Variants in CNMD observed in about 807,000 individuals in gnomAD.
CNMD encodes the protein chondromodulin.
A neutral mutation model predicts 37.5 loss-of-function variants in CNMD; 30 were observed. That is an observed-to-expected ratio of 0.80 (90% CI 0.60 to 1.09). The LOEUF (loss-of-function observed/expected upper bound fraction) is 1.09. CNMD is among the 50% of genes least tolerant of loss of function. The probability of loss-of-function intolerance (pLI) is 0.00; values close to 1 mark genes in which losing one functional copy is unlikely to be tolerated. For missense variants in CNMD, 398 were observed against 423.9 expected, an observed-to-expected ratio of 0.94 and a Z score of 0.54; for synonymous variants, 167 against 148.2, an observed-to-expected ratio of 1.13 and a Z score of -0.92.
At position 52,726,241 on chromosome 13, in the gene CNMD, T is replaced by C. The variant is rs1367954969; in HGVS notation, c.355-2131A>G. On this transcript the variant is annotated intron_variant, in intron 3 of 6. Coordinates refer to ENST00000377962, the MANE Select transcript of CNMD (RefSeq NM_007015.3). ...CTTTGGGGCCCAGGTATTGGGAGCC[T>C]TAAAAGCTCCCCAGGTGTTTATAAT... Among the ~76,000 whole-genome samples the C allele has an allele frequency of 2.6e-5, 4 of 152,264 alleles. No homozygotes were observed. The South Asian group carries it at 8.3e-4, about 32-fold the overall frequency.
Position 52,739,186 on chromosome 13 carries a change from G to A in CNMD, c.73-15C>T. On this transcript the variant is annotated splice_polypyrimidine_tract_variant and intron_variant, in intron 1 of 6. Transcript: ENST00000377962. This position sits in a 1 kb window ranked among gnomAD's most constrained non-coding sequence, Gnocchi z 5.4. ...GTAGCGTACGCCTGCGGGCCGGGGCGGGAGAGGGACCGTCGCGTTTGTGCC... is the reference window on the plus strand; with the variant it reads ...GTAGCGTACGCCTGCGGGCCGGGGCAGGAGAGGGACCGTCGCGTTTGTGCC... The A allele has an allele frequency of 6.8e-7, 1 of 1,465,264 alleles. No individual in the cohort carries two copies. The highest frequency in any genetic ancestry group is 9.0e-7 in the Non-Finnish European group (1 of 1,114,142). The allele number at this position is 1,465,264 out of a possible 1,614,324, so 90.8% of individuals were successfully genotyped here. A position where few individuals can be genotyped will look rare whatever the true frequency, so the allele number is the denominator to read the frequency against.
At chr13:52,713,601 A>G (rs1047270478) in intron 4 of CNMD, among the ~76,000 whole-genome samples, 12 of 152,232 alleles carry the variant, frequency 7.9e-5, no homozygotes, top group Non-Finnish European at 1.3e-4. Flanking sequence ...TACTTCATTT[A>G]TGCTTTCTCC....
chr13:52,711,320 G>T (rs1007985773), intron 5 of CNMD, among the ~76,000 whole-genome samples: 10 of 152,162 alleles, frequency 6.6e-5, no homozygotes, highest in Non-Finnish European at 1.3e-4. Context: ...GCCCACCCAG[G>T]TGGTGGCAGG....
intron 4 of CNMD, among the ~76,000 whole-genome samples, chr13:52,719,981 G>GT (rs1342798928): frequency 6.6e-6 from 1 of 152,074 alleles, no homozygotes; most frequent in African/African-American, 2.4e-5. Context: ...TGTAGGTTTG[G>GT]TTTTTTCACA....
chr13:52,706,466 T>C (rs1964175759), intron 6 of CNMD, among the ~76,000 whole-genome samples: 1 of 152,224 alleles, frequency 6.6e-6, no homozygotes, highest in African/African-American at 2.4e-5. Flanking sequence ...GAGCTCCACC[T>C]GCATTACCTT....
intron 4 of CNMD, among the ~76,000 whole-genome samples, chr13:52,717,563 A>C (rs1964411406): frequency 6.6e-6 from 1 of 152,144 alleles, no homozygotes; most frequent in Non-Finnish European, 1.5e-5. Flanking sequence ...GCGGTGTTAA[A>C]TTTTATTGAA....
intron 4 of CNMD, among the ~76,000 whole-genome samples, chr13:52,723,599 T>C (rs1555279508): frequency 6.6e-6 from 1 of 152,220 alleles, no homozygotes; most frequent in Non-Finnish European, 1.5e-5. Flanking sequence ...ATTTACCATC[T>C]AGTCATGAAC....
At chr13:52,708,046 C>A (rs1427306279) in intron 6 of CNMD, among the ~76,000 whole-genome samples, 2 of 151,756 alleles carry the variant, frequency 1.3e-5, no homozygotes, top group African/African-American at 4.8e-5. Context: ...ACCTGGGAGG[C>A]GATTCCCAGG....
chr13:52,708,050 T>A (rs1055823608), intron 6 of CNMD, among the ~76,000 whole-genome samples: 2 of 151,970 alleles, frequency 1.3e-5, no homozygotes, highest in Admixed American at 6.6e-5. Context: ...GGGAGGCGAT[T>A]CCCAGGCAGT....
chr13:52,720,255 G>T (rs74817260), intron 4 of CNMD, among the ~76,000 whole-genome samples: 4,051 of 152,026 alleles, frequency 0.027, 179 homozygotes, highest in African/African-American at 0.093. Flanking sequence ...AAGGTTCTTG[G>T]CTTCCTTGCA....
chr13:52,705,861 C>T (rs1372886427), intron 6 of CNMD, among the ~76,000 whole-genome samples: 2 of 152,176 alleles, frequency 1.3e-5, no homozygotes, highest in African/African-American at 4.8e-5. Context: ...CCAGATTCAG[C>T]CAGCCCAGCT....
intron 6 of CNMD, among the ~76,000 whole-genome samples, chr13:52,706,210 GT>G (rs1281908926): frequency 6.6e-6 from 1 of 152,020 alleles, no homozygotes; most frequent in Admixed American, 6.6e-5. Context: ...ATTGGTGAAA[GT>G]TTTTTTTAAG....
chr13:52,703,545 T>A lies in CNMD; in HGVS notation c.*50A>T, dbSNP rs1252549227. 1 of 1,325,122 alleles carries A rather than the reference T, an allele frequency of 7.5e-7. No individual in the cohort carries two copies. The highest frequency in any genetic ancestry group is 1.4e-5 in the African/African-American group (1 of 69,230). The allele number at this position is 1,325,122 out of a possible 1,614,324, so 82.1% of individuals were successfully genotyped here. ...CAACCTGCCTTAATGCTTCTTTGGTTGTCTCTTCAGCTAGTTCTTATTTTA... is the reference window on the plus strand; with the variant it reads ...CAACCTGCCTTAATGCTTCTTTGGTAGTCTCTTCAGCTAGTTCTTATTTTA... On this transcript the variant is annotated 3_prime_UTR_variant, in exon 7 of 7. Coordinates refer to ENST00000377962, the MANE Select transcript of CNMD (RefSeq NM_007015.3).
At chr13:52,735,544 C>T (rs922642844) in intron 2 of CNMD, among the ~76,000 whole-genome samples, 2 of 152,024 alleles carry the variant, frequency 1.3e-5, no homozygotes, top group Non-Finnish European at 2.9e-5. Flanking sequence ...CTGTCTTCTC[C>T]CCAGAAAGCC....
At chr13:52,723,554 AAC>A (rs1964517912) in intron 4 of CNMD, among the ~76,000 whole-genome samples, 1 of 152,206 alleles carries the variant, frequency 6.6e-6, no homozygotes, top group Non-Finnish European at 1.5e-5. Flanking sequence ...GTAGGACAAA[AAC>A]AGTTTGAATT....
intron 5 of CNMD, among the ~76,000 whole-genome samples, chr13:52,712,371 C>T (rs1964303234): frequency 6.6e-6 from 1 of 151,838 alleles, no homozygotes; most frequent in South Asian, 2.1e-4. Flanking sequence ...GATTCTATGC[C>T]TTAGAAATAA....
rs151051999 is a variant in CNMD at position 52,722,534 on chromosome 13, T to A, written c.468+1463A>T. Among the ~76,000 whole-genome samples, 270 of 152,260 alleles carry A rather than the reference T, an allele frequency of 1.8e-3. 2 individuals carry two copies. The highest frequency in any genetic ancestry group is 3.4e-3 in the Middle Eastern group (1 of 294). ...TGGGCACTGTATGCATACCCCCAGC[T>A]TACAGATGACAATATCCATAGGGAG... On this transcript the variant is annotated intron_variant, in intron 4 of 6. Transcript: ENST00000377962.
chr13:52,722,951 A>G (rs1964507231), intron 4 of CNMD, among the ~76,000 whole-genome samples: 1 of 152,186 alleles, frequency 6.6e-6, no homozygotes, highest in Non-Finnish European at 1.5e-5. Flanking sequence ...AACCACCCTC[A>G]GTGATGCTGG....
intron 4 of CNMD, among the ~76,000 whole-genome samples, chr13:52,720,467 T>C (rs989229466): frequency 7.9e-5 from 12 of 152,118 alleles, no homozygotes; most frequent in African/African-American, 2.9e-4. Context: ...TTGATGTTGG[T>C]GACCTTTGGA....
Sources: allele counts gnomAD v4.1 joint callset (sites outside exome capture counted in the v4.1 genomes callset), GRCh38; gene constraint gnomAD v4.1.1; non-coding constraint Gnocchi (gnomAD v3.1); transcripts MANE v1.5; gene names NCBI Gene and HGNC (gene_info 2026-07-23, HGNC 2026-07-21).